PREX2: variants seen among roughly 807,000 people sequenced by gnomAD.
PREX2 encodes the protein phosphatidylinositol 3,4,5-trisphosphate-dependent Rac exchanger 2 protein.
In PREX2, 107 loss-of-function variants were observed where a neutral mutation model predicts 203.2. That is an observed-to-expected ratio of 0.53 (90% CI 0.45 to 0.62). The LOEUF (loss-of-function observed/expected upper bound fraction) is 0.62, where lower values mean the gene tolerates loss of function less well. PREX2 is among the 20% of genes least tolerant of loss of function. PREX2 has a pLI of 0.00. For missense variants in PREX2, 1,777 were observed against 1,955.9 expected (o/e 0.91, Z 1.72); for synonymous variants, 672 against 663.6 (o/e 1.01, Z -0.19).
intron 1 of PREX2, among the ~76,000 whole-genome samples, chr8:67,997,658 T>C (rs2129609645): frequency 6.6e-6 from 1 of 152,284 alleles, no homozygotes; most frequent in South Asian, 2.1e-4. Flanking sequence ...AAGAATGTAA[T>C]ACTGATATTT....
chr8:67,976,426 AGAGAGAGAGATGG>A (rs1806088294), intron 1 of PREX2, among the ~76,000 whole-genome samples: 1 of 148,196 alleles, frequency 6.7e-6, no homozygotes, highest in African/African-American at 2.5e-5. Context: ...GGAGAGAGAC[AGAGAGAGAGATGG>A]GAGAGAGACA....
chr8:67,972,262 T>G (rs141939886), intron 1 of PREX2, among the ~76,000 whole-genome samples: 1 of 152,244 alleles, frequency 6.6e-6, no homozygotes, highest in Non-Finnish European at 1.5e-5. Flanking sequence ...TCCATAAAAC[T>G]TATTACCTCT....
Position 68,060,783 on chromosome 8 carries a change from A to G in PREX2, c.1339+4A>G, listed in dbSNP as rs756566471. The G allele has an allele frequency of 5.1e-6, 8 of 1,558,168 alleles. No individual in the cohort carries two copies. The South Asian group carries it at 9.1e-5, about 18-fold the overall frequency. ...GAAAATGGAATCATTCACCATGGTA[A>G]TTACTTTATTATTAATTACTTATTT... On this transcript the variant is annotated splice_donor_region_variant and intron_variant, in intron 11 of 39. Coordinates refer to ENST00000288368, the MANE Select transcript of PREX2 (RefSeq NM_024870.4).
intron 6 of PREX2, among the ~76,000 whole-genome samples, 200 bp from the exon 7 acceptor site, chr8:68,037,959 T>C (rs1430144342): frequency 6.6e-6 from 1 of 152,210 alleles, no homozygotes; most frequent in Non-Finnish European, 1.5e-5. Context: ...ACAGTGGTTC[T>C]GTCTGCTCAG....
At chr8:68,215,716 T>C (rs1020928656) in intron 37 of PREX2, among the ~76,000 whole-genome samples, 1 of 152,044 alleles carries the variant, frequency 6.6e-6, no homozygotes, top group Admixed American at 6.5e-5. Flanking sequence ...TTTTTTTATT[T>C]TTAGTAGAGA....
chr8:68,010,114 T>C (rs1343385989), intron 1 of PREX2, among the ~76,000 whole-genome samples: 1 of 152,190 alleles, frequency 6.6e-6, no homozygotes, highest in Admixed American at 6.5e-5. Context: ...TCAATAAACT[T>C]TTTCTATCTT....
chr8:68,217,529 T>C, intron 37 of PREX2, 87 bp from the exon 38 acceptor site: 1 of 940,960 alleles, frequency 1.1e-6, no homozygotes, highest in Non-Finnish European at 1.7e-6. Context: ...GGCTGGTGCT[T>C]TCTGATTTTG....
chr8:68,100,795 C>A (rs1810241057), intron 23 of PREX2, among the ~76,000 whole-genome samples: 1 of 152,078 alleles, frequency 6.6e-6, no homozygotes, highest in Non-Finnish European at 1.5e-5. Flanking sequence ...GGGATGACTT[C>A]ATCTGATTTA....
At chr8:68,182,954 A>G (rs1177631587) in intron 35 of PREX2, among the ~76,000 whole-genome samples, 1 of 151,572 alleles carries the variant, frequency 6.6e-6, no homozygotes, top group African/African-American at 2.4e-5. Context: ...TCCAGGCAGG[A>G]GAGAACCATA....
chr8:68,166,971 G>A (rs529024127), intron 35 of PREX2, among the ~76,000 whole-genome samples: 67 of 152,176 alleles, frequency 4.4e-4, no homozygotes, highest in African/African-American at 1.5e-3. Context: ...TTATTCTTGC[G>A]TTAGTTTTAA....
chr8:68,220,457 T>C (rs929419688), intron 38 of PREX2: 5 of 152,200 alleles, frequency 3.3e-5, no homozygotes, highest in Non-Finnish European at 7.3e-5. Context: ...CTCAACCTTT[T>C]TAATAAAAAC....
At chr8:67,978,203 C>T (rs1806164093) in intron 1 of PREX2, among the ~76,000 whole-genome samples, 1 of 152,160 alleles carries the variant, frequency 6.6e-6, no homozygotes, top group African/African-American at 2.4e-5. Context: ...CTCCCCCCTC[C>T]TCTCCCCCCG....
intron 23 of PREX2, chr8:68,105,175 G>A (rs377634165): frequency 3.0e-5 from 41 of 1,367,616 alleles, no homozygotes; most frequent in East Asian, 4.5e-5. Flanking sequence ...TTCACAGCAC[G>A]GCATGCTGTC....
chr8:67,974,361 A>G (rs975096957), intron 1 of PREX2, among the ~76,000 whole-genome samples: 8 of 152,268 alleles, frequency 5.3e-5, no homozygotes, highest in African/African-American at 1.7e-4. Context: ...AGAAAAATCT[A>G]TGGAGTTTTT....
At chr8:68,188,386 A>G (rs1454968734) in intron 35 of PREX2, among the ~76,000 whole-genome samples, 1 of 152,230 alleles carries the variant, frequency 6.6e-6, no homozygotes, top group Non-Finnish European at 1.5e-5. Flanking sequence ...ACATGAGGAA[A>G]CCTAGCAGTA....
chr8:68,070,567 A>T (rs1367415034), intron 13 of PREX2, among the ~76,000 whole-genome samples: 1 of 152,130 alleles, frequency 6.6e-6, no homozygotes, highest in Non-Finnish European at 1.5e-5. Context: ...GATATACCTT[A>T]ACTGATAGAA....
At chr8:68,129,163 T>G (rs920424872) in intron 31 of PREX2, among the ~76,000 whole-genome samples, 4 of 152,188 alleles carry the variant, frequency 2.6e-5, no homozygotes, top group African/African-American at 7.2e-5. Flanking sequence ...CAGTCAACAC[T>G]GACGTTGGAG....
chr8:68,225,010 A>G (rs1204935007), intron 39 of PREX2, among the ~76,000 whole-genome samples: 3 of 152,076 alleles, frequency 2.0e-5, no homozygotes, highest in Admixed American at 1.3e-4. Context: ...ATTTCACTGC[A>G]AAACCTAGCT....
intron 11 of PREX2, among the ~76,000 whole-genome samples, chr8:68,067,574 T>C (rs2890420): frequency 0.53 from 79,849 of 151,788 alleles, 21,041 homozygotes; most frequent in South Asian, 0.56. Flanking sequence ...CACTACTGAT[T>C]TTTTTAATGT....
Sources: gnomAD v4.1 joint callset for allele counts (sites outside exome capture counted in the v4.1 genomes callset) on GRCh38, gnomAD v4.1.1 for gene constraint, MANE v1.5 for transcripts, NCBI Gene and HGNC (gene_info 2026-07-23, HGNC 2026-07-21) for gene names.